The following CAMK1D variants were observed in gnomAD, a reference collection of about 807,000 sequenced individuals.
CAMK1D encodes calcium/calmodulin-dependent protein kinase type 1D.
In CAMK1D, 9 loss-of-function variants were observed where a neutral mutation model predicts 47.7. The ratio of observed to expected loss-of-function variants is 0.19; its 90% CI spans 0.11 to 0.33. CAMK1D has a LOEUF of 0.33. Among genes scored for constraint, CAMK1D ranks in the 10% least tolerant of loss-of-function variants. The probability of loss-of-function intolerance (pLI) is 1.00; values close to 1 mark genes in which losing one functional copy is unlikely to be tolerated. For synonymous variants in CAMK1D, 184 were observed against 184.9 expected, an observed-to-expected ratio of 0.99 and a Z score of 0.04; for missense variants, 291 against 488.7, an observed-to-expected ratio of 0.60 and a Z score of 3.81.
intron 1 of CAMK1D, among the ~76,000 whole-genome samples, chr10:12,432,750 C>T (rs1832522640): frequency 6.6e-6 from 1 of 152,342 alleles, no homozygotes; most frequent in South Asian, 2.1e-4. Flanking sequence ...GCCTTGCTTG[C>T]ACCCTGAAGA....
At chr10:12,660,579 T>A (rs1840246784) in intron 2 of CAMK1D, among the ~76,000 whole-genome samples, 1 of 152,236 alleles carries the variant, frequency 6.6e-6, no homozygotes, top group Non-Finnish European at 1.5e-5. Flanking sequence ...AATGCCCATG[T>A]GCTTTTTTCC....
chr10:12,393,310 C>T (rs1588436790), intron 1 of CAMK1D, among the ~76,000 whole-genome samples: 2 of 152,076 alleles, frequency 1.3e-5, no homozygotes, highest in African/African-American at 2.4e-5. Context: ...AGATTACAGG[C>T]GTGAGACACT....
intron 2 of CAMK1D, among the ~76,000 whole-genome samples, chr10:12,591,795 G>C (rs1202188356): frequency 1.3e-5 from 2 of 152,226 alleles, no homozygotes; most frequent in Non-Finnish European, 2.9e-5. Flanking sequence ...CTGGGTTCTA[G>C]TGATTCTCCT....
intron 1 of CAMK1D, among the ~76,000 whole-genome samples, chr10:12,402,172 C>T (rs1199381714): frequency 6.6e-6 from 1 of 151,606 alleles, no homozygotes; most frequent in African/African-American, 2.4e-5. Flanking sequence ...GAACTCCTGA[C>T]CTCAAGTGAT....
intron 8 of CAMK1D, 71 bp from the exon 9 acceptor site, chr10:12,824,394 T>A: frequency 7.4e-7 from 1 of 1,343,514 alleles, no homozygotes; most frequent in South Asian, 1.2e-5. Flanking sequence ...TAGGTAAGAC[T>A]CCCCTTTATG....
intron 3 of CAMK1D, among the ~76,000 whole-genome samples, chr10:12,708,076 G>A (rs552868052): frequency 3.3e-5 from 5 of 152,232 alleles, no homozygotes; most frequent in African/African-American, 7.2e-5. Context: ...TTTAACCTTC[G>A]CTCTCTAAAG....
intron 1 of CAMK1D, among the ~76,000 whole-genome samples, chr10:12,395,641 G>A (rs1158194335): frequency 3.3e-5 from 5 of 152,216 alleles, no homozygotes; most frequent in East Asian, 1.9e-4. Flanking sequence ...TCGGCCAGGC[G>A]AAGTGGGTCA....
intron 8 of CAMK1D, among the ~76,000 whole-genome samples, chr10:12,816,720 A>C: frequency 6.6e-6 from 1 of 151,648 alleles, no homozygotes; most frequent in Non-Finnish European, 1.5e-5. Context: ...AATACAAAAA[A>C]AATTAGCTGG....
intron 1 of CAMK1D, among the ~76,000 whole-genome samples, chr10:12,419,404 A>G (rs1839969568): frequency 6.6e-6 from 1 of 152,184 alleles, no homozygotes; most frequent in Non-Finnish European, 1.5e-5. Flanking sequence ...AATGTTGGGT[A>G]GCAACATTTT....
intron 2 of CAMK1D, among the ~76,000 whole-genome samples, chr10:12,570,155 G>A (rs954873156): frequency 1.2e-4 from 18 of 152,064 alleles, no homozygotes; most frequent in Middle Eastern, 3.4e-3. Context: ...ACCTGAGATC[G>A]CGCCACTGCA....
chr10:12,694,140 A>ATAATATAATATATT lies in CAMK1D; in HGVS notation c.299+27330_299+27331insTAATATAATATATT, dbSNP rs1564498180. The stretch of plus-strand genomic sequence containing the variant: ...ATTATGCATAATATATATTATATAT[A>ATAATATAATATATT]ATATAATATATAATATATATTATGC... On this transcript the variant is annotated intron_variant, in intron 3 of 10. Coordinates refer to ENST00000619168, the MANE Select transcript of CAMK1D (RefSeq NM_153498.4). Among the ~76,000 whole-genome samples the ATAATATAATATATT allele has an allele frequency of 7.9e-4, 9 of 11,384 alleles. 2 individuals carry two copies. The highest frequency in any genetic ancestry group is 2.0e-3 in the African/African-American group (8 of 4,010). 7.5% of individuals were successfully genotyped at this position (11,384 alleles called of 152,430 possible). A position where few individuals can be genotyped will look rare whatever the true frequency, so the allele number is the denominator to read the frequency against.
At chr10:12,700,943 G>A (rs1305722859) in intron 3 of CAMK1D, among the ~76,000 whole-genome samples, 9 of 152,118 alleles carry the variant, frequency 5.9e-5, no homozygotes, top group Admixed American at 1.3e-4. Flanking sequence ...CTTTCTCCAC[G>A]TATGTATAAA....
In CAMK1D at chr10:12,601,193, G is replaced by T. The variant is rs200544383; in HGVS notation, c.224+47837G>T. Among the ~76,000 whole-genome samples, 387 of 43,508 alleles carry T rather than the reference G, an allele frequency of 8.9e-3. 10 individuals carry two copies. The highest frequency in any genetic ancestry group is 0.015 in the Middle Eastern group (1 of 66). 28.5% of individuals were successfully genotyped at this position (43,508 alleles called of 152,430 possible). A position where few individuals can be genotyped will look rare whatever the true frequency, so the allele number is the denominator to read the frequency against. On this transcript the variant is annotated intron_variant, in intron 2 of 10. Coordinates refer to ENST00000619168, the MANE Select transcript of CAMK1D (RefSeq NM_153498.4). ...GATAGTTTTTTTTTTTTGTTTGTTTGTTTTTTTTTTTTTTTTGCTCAGAGA... is the reference window on the plus strand; with the variant it reads ...GATAGTTTTTTTTTTTTGTTTGTTTTTTTTTTTTTTTTTTTTGCTCAGAGA...
chr10:12,574,248 A>G (rs1837419908), intron 2 of CAMK1D, among the ~76,000 whole-genome samples: 1 of 151,510 alleles, frequency 6.6e-6, no homozygotes, highest in Non-Finnish European at 1.5e-5. Context: ...TTTAATTATG[A>G]CATTGCTTAA....
chr10:12,708,380 C>G (rs989231874), intron 3 of CAMK1D, among the ~76,000 whole-genome samples: 1 of 152,222 alleles, frequency 6.6e-6, no homozygotes, highest in African/African-American at 2.4e-5. Flanking sequence ...GTAACTCCAT[C>G]TGATGGGCAC....
At chr10:12,719,792 G>T in intron 3 of CAMK1D, among the ~76,000 whole-genome samples, 1 of 152,194 alleles carries the variant, frequency 6.6e-6, no homozygotes, top group East Asian at 1.9e-4. Flanking sequence ...TGAAACCTAT[G>T]GATAACACTC....
chr10:12,497,475 C>CAA (rs56786154), intron 1 of CAMK1D, among the ~76,000 whole-genome samples: 17 of 88,800 alleles, frequency 1.9e-4, no homozygotes, highest in African/African-American at 3.4e-4. Flanking sequence ...GACTCCATCT[C>CAA]AAAAAAAAAA....
At position 12,699,659 on chromosome 10, in the gene CAMK1D, A is replaced by G. The variant is rs188753802; in HGVS notation, c.299+32849A>G. Among the ~76,000 whole-genome samples the G allele has an allele frequency of 1.6e-3, 246 of 151,828 alleles. 2 individuals carry two copies. In the Middle Eastern group the frequency reaches 0.017, roughly 10 times the overall value. ...TTAGGGCTGTAACTTGAAAAAAAAA[A>G]ACAAGATGATTTTTTTTTTCCTTGC... On this transcript the variant is annotated intron_variant, in intron 3 of 10. Coordinates refer to ENST00000619168, the MANE Select transcript of CAMK1D (RefSeq NM_153498.4).
chr10:12,797,196 C>CTT (rs66641899), intron 6 of CAMK1D, among the ~76,000 whole-genome samples: 37,115 of 137,348 alleles, frequency 0.27, 5,666 homozygotes, highest in Admixed American at 0.34. Flanking sequence ...TGACCAGTTC[C>CTT]TTTTTTTTTT....
Sources: allele counts gnomAD v4.1 joint callset (sites outside exome capture counted in the v4.1 genomes callset), GRCh38; gene constraint gnomAD v4.1.1; transcripts MANE v1.5; gene names NCBI Gene and HGNC (gene_info 2026-07-23, HGNC 2026-07-21).